The following GALNT18 variants were observed in gnomAD, a reference collection of about 807,000 sequenced individuals.
GALNT18 encodes the protein GalNAc-transferase 18.
Under a neutral mutation model 69.5 loss-of-function variants are expected in GALNT18, and 44 were observed. The ratio of observed to expected loss-of-function variants is 0.63; its 90% CI spans 0.50 to 0.81. GALNT18 has a LOEUF of 0.81. Ranked by LOEUF, GALNT18 falls within the 40% of genes least tolerant of loss-of-function variation. GALNT18 has a pLI of 0.00. For missense variants in GALNT18, 715 were observed against 810.0 expected, an observed-to-expected ratio of 0.88 and a Z score of 1.42; for synonymous variants, 364 against 318.2, an observed-to-expected ratio of 1.14 and a Z score of -1.53.
At chr11:11,371,005 G>A (rs1016952521) in intron 6 of GALNT18, among the ~76,000 whole-genome samples, 1 of 152,234 alleles carries the variant, frequency 6.6e-6, no homozygotes, top group East Asian at 1.9e-4. Context: ...GCAGAAACGA[G>A]GGTGATTATG....
At chr11:11,323,153 A>G (rs1194670795) in intron 9 of GALNT18, among the ~76,000 whole-genome samples, 1 of 152,228 alleles carries the variant, frequency 6.6e-6, no homozygotes, top group Non-Finnish European at 1.5e-5. Context: ...CATGCAAAAT[A>G]CATCATTCCA....
At chr11:11,608,368 G>GT (rs902829309) in intron 1 of GALNT18, among the ~76,000 whole-genome samples, 51 of 150,306 alleles carry the variant, frequency 3.4e-4, no homozygotes, top group Non-Finnish European at 6.1e-4. Flanking sequence ...TTGTTTTTTG[G>GT]TTTTTTTTTG....
At chr11:11,285,177 A>C (rs2132992512) in intron 10 of GALNT18, among the ~76,000 whole-genome samples, 1 of 152,198 alleles carries the variant, frequency 6.6e-6, no homozygotes, top group Non-Finnish European at 1.5e-5. Flanking sequence ...CCAAACTCCC[A>C]TTGCAGCGAT....
chr11:11,612,906 G>A (rs1042826435), intron 1 of GALNT18, among the ~76,000 whole-genome samples: 1 of 152,172 alleles, frequency 6.6e-6, no homozygotes, highest in Admixed American at 6.5e-5. Flanking sequence ...TGGTGGCAAT[G>A]GAAAGTAGCC....
chr11:11,393,924 T>C (rs1854257246), intron 3 of GALNT18, among the ~76,000 whole-genome samples: 1 of 152,252 alleles, frequency 6.6e-6, no homozygotes, highest in South Asian at 2.1e-4. Context: ...CATGTCCTGT[T>C]TGTGTTCCTT....
At chr11:11,524,199 T>G (rs1377635694) in intron 1 of GALNT18, among the ~76,000 whole-genome samples, 1 of 152,096 alleles carries the variant, frequency 6.6e-6, no homozygotes. Context: ...TTCCCAAACA[T>G]AAGAAGTGGG....
Position 11,546,851 on chromosome 11 carries a change from G to A in GALNT18, c.235+74508C>T, listed in dbSNP as rs1352740674. 6.6e-6 allele frequency among the ~76,000 whole-genome samples: 1 copy of A among 152,108 alleles called. No individual in the cohort carries two copies. The highest frequency in any genetic ancestry group is 1.5e-5 in the Non-Finnish European group (1 of 68,036). On this transcript the variant is annotated intron_variant, in intron 1 of 10. Transcript: ENST00000227756. This position sits in a 1 kb window ranked among gnomAD's most constrained non-coding sequence, Gnocchi z 5.8. ...GGATGGATGGGTGGGTTGGGTGTGT[G>A]GGTGGGCAGATGAGTAAGTGGGTGG...
rs1400313235 is a variant in GALNT18, at chr11:11,613,278, A to G, written c.235+8081T>C. The stretch of plus-strand genomic sequence containing the variant: ...ATCTATAAAAGGTATACAGATCCAC[A>G]GAGAAGATTCCAGAACAGCAGTCAT... On this transcript the variant is annotated intron_variant, in intron 1 of 10. Coordinates refer to ENST00000227756, the MANE Select transcript of GALNT18 (RefSeq NM_198516.3). The surrounding 1 kb of genome is among the most constrained non-coding windows in gnomAD (Gnocchi z 4.2). Among the ~76,000 whole-genome samples the G allele has an allele frequency of 6.6e-6, 1 of 152,260 alleles. No homozygotes were observed. The highest frequency in any genetic ancestry group is 2.4e-5 in the African/African-American group (1 of 41,466).
At chr11:11,441,548 C>G (rs80186582) in intron 2 of GALNT18, among the ~76,000 whole-genome samples, 3,771 of 152,206 alleles carry the variant, frequency 0.025, 141 homozygotes, top group African/African-American at 0.081. Context: ...GGAATTTGAA[C>G]AAATTTCCTA....
chr11:11,335,113 C>T (rs930404046), intron 7 of GALNT18, among the ~76,000 whole-genome samples: 1 of 152,226 alleles, frequency 6.6e-6, no homozygotes, highest in Non-Finnish European at 1.5e-5. Flanking sequence ...GAACCTGTCT[C>T]ACAAAGGCCT....
At chr11:11,345,146 C>T (rs1252934337) in intron 6 of GALNT18, among the ~76,000 whole-genome samples, 1 of 152,148 alleles carries the variant, frequency 6.6e-6, no homozygotes, top group Non-Finnish European at 1.5e-5. Flanking sequence ...GAGCACTGGT[C>T]AACATTTCCA....
intron 6 of GALNT18, among the ~76,000 whole-genome samples, chr11:11,346,080 A>G (rs1850298270): frequency 6.6e-6 from 1 of 152,228 alleles, no homozygotes; most frequent in African/African-American, 2.4e-5. Flanking sequence ...CCCAGCTCAA[A>G]TACGACCTCT....
chr11:11,380,007 T>C (rs1310084069), intron 3 of GALNT18, among the ~76,000 whole-genome samples: 1 of 152,252 alleles, frequency 6.6e-6, no homozygotes, highest in Non-Finnish European at 1.5e-5. Context: ...CAAGAGCCCA[T>C]GACAGCCCTC....
At chr11:11,550,376 A>G (rs1392914076) in intron 1 of GALNT18, among the ~76,000 whole-genome samples, 2 of 152,214 alleles carry the variant, frequency 1.3e-5, no homozygotes, top group East Asian at 1.9e-4. Context: ...CAGTTTTCCA[A>G]CTGGACACAT....
chr11:11,369,902 C>A (rs914245578), intron 6 of GALNT18, among the ~76,000 whole-genome samples: 1 of 152,110 alleles, frequency 6.6e-6, no homozygotes, highest in Non-Finnish European at 1.5e-5. Context: ...TACTGCATGG[C>A]TGTTGCAATA....
rs990667268 is a variant in GALNT18 at position 11,618,170 on chromosome 11, T to C, written c.235+3189A>G. 1.3e-5 allele frequency among the ~76,000 whole-genome samples: 2 copies of C among 152,248 alleles called. No homozygotes were observed. Among genetic ancestry groups the C allele is most frequent in the Admixed American group, 1.3e-4 (2 of 15,286 alleles). ...AAGCCTCTTCTAATTGCAAGTCCTA[T>C]GGAACATCCTGCAGAACATTTTGTG... On this transcript the variant is annotated intron_variant, in intron 1 of 10. Transcript: ENST00000227756. This position sits in a 1 kb window ranked among gnomAD's most constrained non-coding sequence, Gnocchi z 6.1.
chr11:11,456,095 CCA>C (rs1467843514), intron 1 of GALNT18, among the ~76,000 whole-genome samples: 1 of 152,086 alleles, frequency 6.6e-6, no homozygotes, highest in Admixed American at 6.6e-5. Context: ...AAGAAACAAA[CCA>C]CAGAGTGGCA....
intron 1 of GALNT18, among the ~76,000 whole-genome samples, chr11:11,551,272 AT>A (rs933894205): frequency 3.4e-4 from 51 of 150,526 alleles, no homozygotes; most frequent in African/African-American, 1.1e-3. Flanking sequence ...GCCAAACCTG[AT>A]TTTTTTTTTC....
At chr11:11,273,905 T>C (rs889981698) in intron 10 of GALNT18, among the ~76,000 whole-genome samples, 1 of 152,150 alleles carries the variant, frequency 6.6e-6, no homozygotes. Context: ...GATGGCTGAA[T>C]AGGAATAGCT....
Sources: gnomAD v4.1 joint callset for allele counts (sites outside exome capture counted in the v4.1 genomes callset) on GRCh38, gnomAD v4.1.1 for gene constraint, Gnocchi (gnomAD v3.1) non-coding constraint, MANE v1.5 for transcripts, NCBI Gene and HGNC (gene_info 2026-07-23, HGNC 2026-07-21) for gene names.